Variants in ADAMTS2 observed in about 807,000 individuals in gnomAD.
ADAMTS2 encodes the protein A disintegrin and metalloproteinase with thrombospondin motifs 2.
A neutral mutation model predicts 123.0 loss-of-function variants in ADAMTS2; 50 were observed. The ratio of observed to expected loss-of-function variants is 0.41; its 90% CI spans 0.32 to 0.51. ADAMTS2 has a LOEUF of 0.51. Ranked by LOEUF, ADAMTS2 falls within the 20% of genes least tolerant of loss-of-function variation. The probability of loss-of-function intolerance (pLI) is 0.35; values close to 1 mark genes in which losing one functional copy is unlikely to be tolerated. For missense variants in ADAMTS2, 1,494 were observed against 1,705.2 expected, an observed-to-expected ratio of 0.88 and a Z score of 2.18; for synonymous variants, 678 against 695.4, an observed-to-expected ratio of 0.98 and a Z score of 0.39.
At chr5:179,124,585 G>T (rs1404687913) in intron 19 of ADAMTS2, among the ~76,000 whole-genome samples, 1 of 152,224 alleles carries the variant, frequency 6.6e-6, no homozygotes, top group Non-Finnish European at 1.5e-5. Flanking sequence ...ACATTCCACT[G>T]GTTTCTTAGT....
rs11743472 is a variant in ADAMTS2 at position 179,312,540 on chromosome 5, G to A, written c.534+31227C>T. Among the ~76,000 whole-genome samples, 5,287 of 152,158 alleles carry A rather than the reference G, an allele frequency of 0.035. 121 individuals carry two copies. Among genetic ancestry groups the A allele is most frequent in the South Asian group, 0.053 (253 of 4,812 alleles). ...AATAAGCTTCCGATGCTTTTAAGCC[G>A]CTCCGTTTATGGTATTTGGCTATAG... On this transcript the variant is annotated intron_variant, in intron 2 of 21. Coordinates refer to ENST00000251582, the MANE Select transcript of ADAMTS2 (RefSeq NM_014244.5). The surrounding 1 kb of genome is among the most constrained non-coding windows in gnomAD (Gnocchi z 4.2).
intron 2 of ADAMTS2, among the ~76,000 whole-genome samples, chr5:179,283,119 C>T (rs1165436580): frequency 1.3e-5 from 2 of 152,066 alleles, no homozygotes; most frequent in African/African-American, 2.4e-5. Context: ...AACTGAGACA[C>T]CTGGCAAGTG....
chr5:179,227,741 T>C (rs1307291015), intron 3 of ADAMTS2, among the ~76,000 whole-genome samples: 1 of 151,806 alleles, frequency 6.6e-6, no homozygotes, highest in African/African-American at 2.4e-5. Flanking sequence ...GCAGAGGGCC[T>C]GGGAGTGAGG....
At chr5:179,176,882 G>GCCCT (rs145120667) in intron 5 of ADAMTS2, among the ~76,000 whole-genome samples, 7,886 of 152,006 alleles carry the variant, frequency 0.052, 203 homozygotes, top group African/African-American at 0.084. Flanking sequence ...GGGTTCAGCT[G>GCCCT]CCCTCCCTCC....
Position 179,152,152 on chromosome 5 carries a change from G to C in ADAMTS2, c.1619C>G (p.Ala540Gly). 1 of 1,613,626 alleles carries C rather than the reference G, an allele frequency of 6.2e-7. No homozygotes were observed. The highest frequency in any genetic ancestry group is 8.5e-7 in the Non-Finnish European group (1 of 1,179,620). The change falls in exon 10 of 22, where the codon GCA becomes GGA. Residue 540 changes from alanine (A) to glycine (G), a missense_variant. Ala to Gly is a moderately conservative substitution (Grantham distance 60). This residue lies in a region of ADAMTS2 where 953 missense variants were observed against 1,124.7 expected (regional missense o/e 0.85). Transcript: ENST00000251582. The part of the protein sequence containing the change: ...KGPPLDGTMC[A>G]PGKHCFKGHC... ...TTGATGCTGCCTCACCTTGCCAGGT[G>C]CACACATAGTCCCGTCCAAGGGGGG...
chr5:179,296,089 G>C (rs1032925975), intron 2 of ADAMTS2, among the ~76,000 whole-genome samples: 2 of 152,192 alleles, frequency 1.3e-5, no homozygotes, highest in Admixed American at 1.3e-4. Context: ...GCGGTGCCTC[G>C]GACGATGCAG....
chr5:179,276,750 G>T lies in ADAMTS2; in HGVS notation c.535-3686C>A, dbSNP rs1201813701. Among the ~76,000 whole-genome samples, 3 of 152,316 alleles carry T rather than the reference G, an allele frequency of 2.0e-5. No homozygotes were observed. The South Asian group carries it at 6.2e-4, about 32-fold the overall frequency. On this transcript the variant is annotated intron_variant, in intron 2 of 21. Transcript: ENST00000251582. Reference sequence around the variant, plus strand: ...ACAGGTCCCTGGGCCAGACTGGGCCGATTGAGCCAATTAGGGCAGGACACT... The same window carrying T: ...ACAGGTCCCTGGGCCAGACTGGGCCTATTGAGCCAATTAGGGCAGGACACT...
At position 179,191,127 on chromosome 5, in the gene ADAMTS2, G is replaced by A. The variant is rs143060322; in HGVS notation, c.892-9972C>T. Among the ~76,000 whole-genome samples, 588 of 152,376 alleles carry A rather than the reference G, an allele frequency of 3.9e-3. 3 individuals are homozygous for A. In the Middle Eastern group the frequency reaches 0.041, roughly 11 times the overall value. Reference sequence around the variant, plus strand: ...CTGCAGGACGCAGAAGGACACGGCCGAGGCCTCAGGCCAGAGCCCAGTGTC... The same window carrying A: ...CTGCAGGACGCAGAAGGACACGGCCAAGGCCTCAGGCCAGAGCCCAGTGTC... On this transcript the variant is annotated intron_variant, in intron 4 of 21. Transcript: ENST00000251582.
At chr5:179,237,925 C>T (rs566098515) in intron 3 of ADAMTS2, among the ~76,000 whole-genome samples, 16 of 152,186 alleles carry the variant, frequency 1.1e-4, no homozygotes, top group Non-Finnish European at 2.2e-4. Flanking sequence ...GACACGCACG[C>T]CGCAGTGTAG....
rs1581209589 is a variant in ADAMTS2 at position 179,234,424 on chromosome 5, C to T, written c.689-26709G>A. Among the ~76,000 whole-genome samples the T allele has an allele frequency of 2.6e-5, 4 of 152,182 alleles. No individual in the cohort carries two copies. Among genetic ancestry groups the T allele is most frequent in the African/African-American group, 9.6e-5 (4 of 41,518 alleles). On this transcript the variant is annotated intron_variant, in intron 3 of 21. Transcript: ENST00000251582. The surrounding 1 kb of genome is among the most constrained non-coding windows in gnomAD (Gnocchi z 4.7). Reference sequence around the variant, plus strand: ...TGCTCATCCACTAGGACTGGGCTTCCGTGTGCAGGGCTTCACCCTCGCTCT... The same window carrying T: ...TGCTCATCCACTAGGACTGGGCTTCTGTGTGCAGGGCTTCACCCTCGCTCT...
chr5:179,116,985 G>T (rs1243511701), intron 21 of ADAMTS2, among the ~76,000 whole-genome samples: 2 of 152,224 alleles, frequency 1.3e-5, no homozygotes, highest in Non-Finnish European at 2.9e-5. Flanking sequence ...CAAATCGGAA[G>T]ATCCTGAGAT....
Position 179,113,342 on chromosome 5 carries a change from A to G in ADAMTS2, c.*525T>C, listed in dbSNP as rs1762600071. 5.6e-6 allele frequency: 1 copy of G among 178,796 alleles called. No homozygotes were observed. Among genetic ancestry groups the G allele is most frequent in the Non-Finnish European group, 1.2e-5 (1 of 82,794 alleles). The allele number at this position is 178,796 out of a possible 1,614,324, so 11.1% of individuals were successfully genotyped here. On this transcript the variant is annotated 3_prime_UTR_variant, in exon 22 of 22. Coordinates refer to ENST00000251582, the MANE Select transcript of ADAMTS2 (RefSeq NM_014244.5). Reference sequence around the variant, plus strand: ...CGGCCATGGTCCCCAGCGGGCCACTACGCTCACCCCGGTCAGCCGCCTGGC... The same window carrying G: ...CGGCCATGGTCCCCAGCGGGCCACTGCGCTCACCCCGGTCAGCCGCCTGGC...
Position 179,171,493 on chromosome 5 carries a change from C to T in ADAMTS2, c.975+9579G>A, listed in dbSNP as rs570533169. 1.2e-4 allele frequency among the ~76,000 whole-genome samples: 18 copies of T among 152,264 alleles called. No individual in the cohort carries two copies. In the South Asian group the frequency reaches 2.5e-3, roughly 21 times the overall value. On this transcript the variant is annotated intron_variant, in intron 5 of 21. Transcript: ENST00000251582. ...CTAAAGCAACGAGGACTCATAGCCTCGGCTCACTTCCCCTCTCACAGCCCA... is the reference window on the plus strand; with the variant it reads ...CTAAAGCAACGAGGACTCATAGCCTTGGCTCACTTCCCCTCTCACAGCCCA...
At chr5:179,163,567 C>T (rs1010557212) in intron 5 of ADAMTS2, among the ~76,000 whole-genome samples, 4 of 152,126 alleles carry the variant, frequency 2.6e-5, no homozygotes, top group African/African-American at 9.7e-5. Flanking sequence ...ATTCCAGAAC[C>T]CTGGAATAAG....
At chr5:179,293,150 A>C (rs540509693) in intron 2 of ADAMTS2, among the ~76,000 whole-genome samples, 2 of 152,332 alleles carry the variant, frequency 1.3e-5, no homozygotes, top group African/African-American at 4.8e-5. Context: ...CGGGGAAGAC[A>C]GTCTGACCCC....
At chr5:179,263,786 G>C (rs1261365489) in intron 3 of ADAMTS2, among the ~76,000 whole-genome samples, 1 of 152,240 alleles carries the variant, frequency 6.6e-6, no homozygotes, top group South Asian at 2.1e-4. Context: ...GAGAGCAGGA[G>C]AGAGAGAAGA....
chr5:179,158,047 C>T lies in ADAMTS2; in HGVS notation c.1132+676G>A, dbSNP rs551687577. On this transcript the variant is annotated intron_variant, in intron 6 of 21. Transcript: ENST00000251582. This position sits in a 1 kb window ranked among gnomAD's most constrained non-coding sequence, Gnocchi z 5.0. ...TGGTGCGATCTCGACTCATTGCAAA[C>T]TCCGCCTCCCGGGTTCACACCATTC... is the stretch of plus-strand genomic sequence containing the variant. 5.3e-5 allele frequency among the ~76,000 whole-genome samples: 8 copies of T among 152,020 alleles called. No individual in the cohort carries two copies. Among genetic ancestry groups the T allele is most frequent in the South Asian group, 2.1e-4 (1 of 4,800 alleles).
chr5:179,122,050 G>A lies in ADAMTS2; in HGVS notation c.3089-300C>T, dbSNP rs549506897. ...CCCCTGCACCCTGCCCGCGCCCCGG[G>A]TTCCACCTGCTGACTCGAGCTCTGA... On this transcript the variant is annotated intron_variant, in intron 20 of 21. Coordinates refer to ENST00000251582, the MANE Select transcript of ADAMTS2 (RefSeq NM_014244.5). Among the ~76,000 whole-genome samples, 304 of 152,250 alleles carry A rather than the reference G, an allele frequency of 2.0e-3. 2 individuals are homozygous for A. Among genetic ancestry groups the A allele is most frequent in the Admixed American group, 4.8e-3 (74 of 15,298 alleles).
chr5:179,291,034 G>A (rs1252541063), intron 2 of ADAMTS2, among the ~76,000 whole-genome samples: 1 of 152,222 alleles, frequency 6.6e-6, no homozygotes, highest in Non-Finnish European at 1.5e-5. Context: ...TGTTGACTAT[G>A]AGGTTGCTTC....
Sources: allele counts gnomAD v4.1 joint callset (sites outside exome capture counted in the v4.1 genomes callset), GRCh38; gene constraint gnomAD v4.1.1; regional missense constraint gnomAD v4.1.1; non-coding constraint Gnocchi (gnomAD v3.1); transcripts MANE v1.5; gene names NCBI Gene and HGNC (gene_info 2026-07-23, HGNC 2026-07-21).